The following BRD1 variants were observed in gnomAD, a reference collection of about 807,000 sequenced individuals.
BRD1 encodes bromodomain containing 1.
Under a neutral mutation model 107.7 loss-of-function variants are expected in BRD1, and 24 were observed. The ratio of observed to expected loss-of-function variants is 0.22; its 90% CI spans 0.16 to 0.31. BRD1 has a LOEUF of 0.31. Ranked by LOEUF, BRD1 falls within the 10% of genes least tolerant of loss-of-function variation. The pLI, the probability that BRD1 is intolerant of heterozygous loss-of-function variation, is 1.00. For missense variants in BRD1, 1,279 were observed against 1,638.6 expected, an observed-to-expected ratio of 0.78 and a Z score of 3.79; for synonymous variants, 744 against 686.1, an observed-to-expected ratio of 1.08 and a Z score of -1.32.
Position 49,824,276 on chromosome 22 carries a change from C to T in BRD1, c.42G>A (p.Arg14=), listed in dbSNP as rs1328377528. The part of the protein sequence containing the change: ...KGRCHRGSAA[R]HPSSPCSVKH... Reference sequence around the variant, plus strand: ...TAACACTGCATGGGGAAGAAGGATGCCTCGCTGCAGAGCCTCGATGACATC... The same window carrying T: ...TAACACTGCATGGGGAAGAAGGATGTCTCGCTGCAGAGCCTCGATGACATC... Residue 14 remains arginine, a synonymous_variant, in exon 2 of 13, where the codon AGG becomes AGA. Coordinates refer to ENST00000404760, the MANE Select transcript of BRD1 (RefSeq NM_001304808.3). The surrounding 1 kb of genome is among the most constrained non-coding windows in gnomAD (Gnocchi z 5.9). 6.2e-7 allele frequency: 1 copy of T among 1,613,988 alleles called. No individual in the cohort carries two copies.
intron 8 of BRD1, among the ~76,000 whole-genome samples, chr22:49,778,894 C>T (rs991020847): frequency 3.9e-5 from 6 of 152,182 alleles, no homozygotes; most frequent in Admixed American, 3.9e-4. Flanking sequence ...ATCTCCTGAC[C>T]TCGTGATCCG....
intron 8 of BRD1, among the ~76,000 whole-genome samples, chr22:49,778,904 G>A (rs797013743): frequency 1.4e-4 from 22 of 152,148 alleles, no homozygotes; most frequent in African/African-American, 1.9e-4. Flanking sequence ...CTCGTGATCC[G>A]CCTGCCTCGG....
rs2059580874 is a variant in BRD1 at position 49,798,592 on chromosome 22, G to T, written c.1751C>A (p.Ala584Asp). ...VLDQLQDKDPARIFAQPVSLK... is the reference protein window; with the variant it reads ...VLDQLQDKDPDRIFAQPVSLK... ...ACTCACGGGCTGCGCAAATATCCTG[G>T]CGGGGTCCTTGTCTTGCAGCTGGTC... is the stretch of plus-strand genomic sequence containing the variant. The change falls in exon 5 of 13, where the codon GCC becomes GAC. Residue 584 changes from alanine (A) to aspartate (D), a missense_variant. Ala to Asp is a moderately radical substitution (Grantham distance 126). Transcript: ENST00000404760. The T allele has an allele frequency of 1.2e-6, 2 of 1,614,184 alleles. 1 individual carries two copies. Among genetic ancestry groups the T allele is most frequent in the Non-Finnish European group, 1.7e-6 (2 of 1,180,022 alleles).
In BRD1 at chr22:49,774,162, G is replaced by C. The variant is rs1356558929; in HGVS notation, c.*71C>G. 3 of 1,472,994 alleles carry C rather than the reference G, an allele frequency of 2.0e-6. No homozygotes were observed. In the East Asian group the frequency reaches 7.3e-5, roughly 36 times the overall value. 91.2% of individuals were successfully genotyped at this position (1,472,994 alleles called of 1,614,324 possible). The stretch of plus-strand genomic sequence containing the variant: ...ATAACTAAAAATCAGAATAAGTTAA[G>C]TTTTGAACAATATACAAACATGTAC... On this transcript the variant is annotated 3_prime_UTR_variant, in exon 13 of 13. Coordinates refer to ENST00000404760, the MANE Select transcript of BRD1 (RefSeq NM_001304808.3).
intron 6 of BRD1, among the ~76,000 whole-genome samples, chr22:49,796,778 A>G (rs17001308): frequency 0.032 from 4,950 of 152,314 alleles, 178 homozygotes; most frequent in African/African-American, 0.084. Flanking sequence ...CAGAGGGCGA[A>G]GCAACGATGG....
chr22:49,775,840 C>CCCCCCCT, intron 11 of BRD1, 95 bp from the exon 12 acceptor site: 10 of 1,223,900 alleles, frequency 8.2e-6, no homozygotes, highest in South Asian at 2.0e-5. Context: ...CCCACCCCAG[C>CCCCCCCT]TGTGTGAGCC....
At chr22:49,813,209 A>T (rs961134857) in intron 2 of BRD1, among the ~76,000 whole-genome samples, 2 of 152,142 alleles carry the variant, frequency 1.3e-5, no homozygotes, top group African/African-American at 2.4e-5. Context: ...TAGGCAACAC[A>T]GTGAGACGCC....
rs565314666 is a variant in BRD1, at chr22:49,797,748, C to T, written c.2098+57G>A. 9 of 1,514,490 alleles carry T rather than the reference C, an allele frequency of 5.9e-6. No homozygotes were observed. In the East Asian group the frequency reaches 1.8e-4, roughly 31 times the overall value. The allele number at this position is 1,514,490 out of a possible 1,614,324, so 93.8% of individuals were successfully genotyped here. A position where few individuals can be genotyped will look rare whatever the true frequency, so the allele number is the denominator to read the frequency against. On this transcript the variant is annotated intron_variant, in intron 6 of 12. Transcript: ENST00000404760. Reference sequence around the variant, plus strand: ...AGGGAGCTGGCAACACAGAGCAGGACAGAGTCTGCTAGAAAGAGCGTCTTC... The same window carrying T: ...AGGGAGCTGGCAACACAGAGCAGGATAGAGTCTGCTAGAAAGAGCGTCTTC...
rs115004955 is a variant in BRD1, at chr22:49,803,680, C to T, written c.1524+524G>A. ...CTCCTTCCCTCCCACTCTCTCAGCT[C>T]TCTCGAGCCCTCCCCACCCCACCAC... On this transcript the variant is annotated intron_variant, in intron 3 of 12. Coordinates refer to ENST00000404760, the MANE Select transcript of BRD1 (RefSeq NM_001304808.3). This position sits in a 1 kb window ranked among gnomAD's most constrained non-coding sequence, Gnocchi z 4.4. 6.6e-6 allele frequency among the ~76,000 whole-genome samples: 1 copy of T among 152,194 alleles called. No homozygotes were observed. Among genetic ancestry groups the T allele is most frequent in the Non-Finnish European group, 1.5e-5 (1 of 68,040 alleles).
At chr22:49,800,038 G>C (rs1371379006) in intron 3 of BRD1, among the ~76,000 whole-genome samples, 1 of 152,218 alleles carries the variant, frequency 6.6e-6, no homozygotes, top group Non-Finnish European at 1.5e-5. Flanking sequence ...CCTCAGGACA[G>C]CCGTGGCCAT....
At chr22:49,793,790 A>C (rs1221435109) in intron 7 of BRD1, among the ~76,000 whole-genome samples, 1 of 152,262 alleles carries the variant, frequency 6.6e-6, no homozygotes, top group Non-Finnish European at 1.5e-5. Flanking sequence ...TCTGTGCCTT[A>C]AATTTTATCA....
chr22:49,775,415 G>A, intron 12 of BRD1, 176 bp downstream of exon 12: 1 of 562,422 alleles, frequency 1.8e-6, no homozygotes. Flanking sequence ...TCCCGGCGAG[G>A]GGGCTGGGCA....
intron 8 of BRD1, among the ~76,000 whole-genome samples, chr22:49,778,199 C>T (rs541064666): frequency 4.6e-5 from 7 of 152,278 alleles, no homozygotes; most frequent in South Asian, 2.1e-4. Context: ...ACGTGGGCAC[C>T]GGCCGCGTTT....
At position 49,783,157 on chromosome 22, in the gene BRD1, C is replaced by G. The variant is rs971409522; in HGVS notation, c.2857+4233G>C. Among the ~76,000 whole-genome samples the G allele has an allele frequency of 6.6e-6, 1 of 152,230 alleles. No individual in the cohort carries two copies. The highest frequency in any genetic ancestry group is 2.4e-5 in the African/African-American group (1 of 41,456). ...GGGACCCAGCTCCATGACAATGCAGCTGGGATGGTCAGAGACAGACCCAAG... is the reference window on the plus strand; with the variant it reads ...GGGACCCAGCTCCATGACAATGCAGGTGGGATGGTCAGAGACAGACCCAAG... On this transcript the variant is annotated intron_variant, in intron 8 of 12. Coordinates refer to ENST00000404760, the MANE Select transcript of BRD1 (RefSeq NM_001304808.3). The surrounding 1 kb of genome is among the most constrained non-coding windows in gnomAD (Gnocchi z 4.2).
rs778432497 is a variant in BRD1 at position 49,794,259 on chromosome 22, G to C, written c.2134C>G (p.Leu712Val). 17 of 1,613,244 alleles carry C rather than the reference G, an allele frequency of 1.1e-5. No homozygotes were observed. The highest frequency in any genetic ancestry group is 1.4e-5 in the Non-Finnish European group (17 of 1,179,434). ...RLLDPANRAH[L>V]GLEEQLRELL... ...TCTCTCAGCTGCTCCTCCAGGCCCAGGTGGGCTCTGTTGGCGGGGTCCAGC... is the reference window on the plus strand; with the variant it reads ...TCTCTCAGCTGCTCCTCCAGGCCCACGTGGGCTCTGTTGGCGGGGTCCAGC... Residue 712 changes from leucine to valine, a missense_variant, in exon 7 of 13, where the codon CTG becomes GTG. By Grantham distance (32) the Leu-to-Val change is conservative (BLOSUM62 1). Coordinates refer to ENST00000404760, the MANE Select transcript of BRD1 (RefSeq NM_001304808.3).
At chr22:49,781,180 G>A (rs2146967222) in intron 8 of BRD1, among the ~76,000 whole-genome samples, 1 of 152,264 alleles carries the variant, frequency 6.6e-6, no homozygotes, top group East Asian at 1.9e-4. Flanking sequence ...GGAGGCCAAA[G>A]ACTGAACACA....
chr22:49,819,901 G>A (rs1038846630), intron 2 of BRD1, among the ~76,000 whole-genome samples: 5 of 152,132 alleles, frequency 3.3e-5, no homozygotes, highest in East Asian at 1.9e-4. Context: ...AGTTCGAGGC[G>A]GGTGGATCAC....
At chr22:49,818,779 A>G (rs1042792578) in intron 2 of BRD1, among the ~76,000 whole-genome samples, 2 of 151,964 alleles carry the variant, frequency 1.3e-5, no homozygotes, top group Non-Finnish European at 1.5e-5. Flanking sequence ...CCAGCTACTC[A>G]GGAGGCTGAG....
At chr22:49,776,946 T>C in intron 10 of BRD1, 88 bp downstream of exon 10, 2 of 1,560,736 alleles carry the variant, frequency 1.3e-6, no homozygotes, top group South Asian at 1.1e-5. Flanking sequence ...CCATGCTCCC[T>C]GAGCCGGAGT....
Sources: gnomAD v4.1 joint callset for allele counts (sites outside exome capture counted in the v4.1 genomes callset) on GRCh38, gnomAD v4.1.1 for gene constraint, Gnocchi (gnomAD v3.1) non-coding constraint, MANE v1.5 for transcripts, NCBI Gene and HGNC (gene_info 2026-07-23, HGNC 2026-07-21) for gene names.